Variants in ABRA observed in about 807,000 individuals in gnomAD.
ABRA encodes actin binding Rho activating protein.
ABRA carries 25 observed loss-of-function variants against 33.4 expected under a neutral mutation model. The observed-to-expected ratio is 0.75, with a 90% CI of 0.55 to 1.04. The LOEUF is 1.04. ABRA is among the 50% of genes least tolerant of loss of function. The probability of loss-of-function intolerance (pLI) is 0.00; values close to 1 mark genes in which losing one functional copy is unlikely to be tolerated. For missense variants in ABRA, 501 were observed against 491.7 expected (o/e 1.02, Z -0.18); for synonymous variants, 193 against 176.8 (o/e 1.09, Z -0.73).
At chr8:106,761,583 A>C in intron 1 of ABRA, 69 bp from the exon 2 acceptor site, 1 of 1,266,496 alleles carries the variant, frequency 7.9e-7, no homozygotes, top group Non-Finnish European at 1.1e-6. Flanking sequence ...TTCCCTTTGT[A>C]CTTCCCACAC....
chr8:106,764,810 A>C (rs1836191233), intron 1 of ABRA, among the ~76,000 whole-genome samples: 1 of 152,202 alleles, frequency 6.6e-6, no homozygotes, highest in African/African-American at 2.4e-5. Context: ...AGAATTAGAA[A>C]ATAGGGCTAG....
At chr8:106,768,695 A>G (rs999382409) in intron 1 of ABRA, among the ~76,000 whole-genome samples, 2 of 152,158 alleles carry the variant, frequency 1.3e-5, no homozygotes, top group Non-Finnish European at 2.9e-5. Context: ...GTACAGTGGC[A>G]TGATCTTGGC....
At position 106,760,963 on chromosome 8, in the gene ABRA, A is replaced by G. The variant is rs1200242098; in HGVS notation, c.*74T>C. On this transcript the variant is annotated 3_prime_UTR_variant, in exon 2 of 2. Transcript: ENST00000311955. ...TACTAACTTATTACAGAGAGTTTGC[A>G]TTTTCATTTTACCTACATGAGCATT... 4 of 1,317,936 alleles carry G rather than the reference A, an allele frequency of 3.0e-6. No individual in the cohort carries two copies. The highest frequency in any genetic ancestry group is 3.2e-6 in the Non-Finnish European group (3 of 944,372). The allele number at this position is 1,317,936 out of a possible 1,614,324, so 81.6% of individuals were successfully genotyped here.
At position 106,760,765 on chromosome 8, in the gene ABRA, C is replaced by G; in HGVS notation, c.*272G>C. On this transcript the variant is annotated 3_prime_UTR_variant, in exon 2 of 2. Coordinates refer to ENST00000311955, the MANE Select transcript of ABRA (RefSeq NM_139166.5). ...TTGGTGACATAAAGAGAATCTGTCT[C>G]AAAACAAAAACAAAAACACCCTGTG... The G allele has an allele frequency of 2.6e-6, 1 of 385,966 alleles. No individual in the cohort carries two copies. The highest frequency in any genetic ancestry group is 3.7e-5 in the South Asian group (1 of 26,848). The allele number at this position is 385,966 out of a possible 1,614,324, so 23.9% of individuals were successfully genotyped here. A position where few individuals can be genotyped will look rare whatever the true frequency, so the allele number is the denominator to read the frequency against.
At chr8:106,762,668 CA>C (rs1295862087) in intron 1 of ABRA, among the ~76,000 whole-genome samples, 1 of 151,912 alleles carries the variant, frequency 6.6e-6, no homozygotes, top group African/African-American at 2.4e-5. Context: ...TGTTGGGGGT[CA>C]GGGGGAGGGA....
chr8:106,767,285 A>G lies in ABRA; in HGVS notation c.668+2238T>C, dbSNP rs150459900. ...AGCTGTCACCTCCTTACTTCTAGTT[A>G]ATTTAAAATGTGCTGAGAGAAAGAT... On this transcript the variant is annotated intron_variant, in intron 1 of 1. Transcript: ENST00000311955. Among the ~76,000 whole-genome samples the G allele has an allele frequency of 1.5e-3, 223 of 152,334 alleles. 1 individual carries two copies. Among genetic ancestry groups the G allele is most frequent in the Admixed American group, 3.7e-3 (57 of 15,308 alleles).
chr8:106,768,011 C>G (rs1353467990), intron 1 of ABRA, among the ~76,000 whole-genome samples: 1 of 151,252 alleles, frequency 6.6e-6, no homozygotes, highest in East Asian at 1.9e-4. Flanking sequence ...AGGAGAATCA[C>G]TTGAACTCAG....
chr8:106,762,523 C>G (rs911005004), intron 1 of ABRA, among the ~76,000 whole-genome samples: 12 of 152,058 alleles, frequency 7.9e-5, no homozygotes, highest in African/African-American at 2.7e-4. Context: ...CGTGAGGATG[C>G]CAGCCTAATA....
intron 1 of ABRA, among the ~76,000 whole-genome samples, chr8:106,766,440 T>C (rs1168881493): frequency 6.6e-6 from 1 of 152,108 alleles, no homozygotes; most frequent in African/African-American, 2.4e-5. Context: ...AGGGTGCCTA[T>C]AATTAAAAAT....
Position 106,769,546 on chromosome 8 carries a change from C to T in ABRA, c.645G>A (p.Arg215=). ...EQDGVQVAVV[R]IKRPLPSQVN... is the part of the protein sequence containing the mutation. ...ACTGGGAGGGCAAGGGGCGCTTGATCCTGACCACAGCCACCTGCACTCCAT... is the reference window on the plus strand; with the variant it reads ...ACTGGGAGGGCAAGGGGCGCTTGATTCTGACCACAGCCACCTGCACTCCAT... The change falls in exon 1 of 2, where the codon AGG becomes AGA. Residue 215 remains arginine (R), a synonymous_variant. Coordinates refer to ENST00000311955, the MANE Select transcript of ABRA (RefSeq NM_139166.5). 6.2e-7 allele frequency: 1 copy of T among 1,613,820 alleles called. No individual in the cohort carries two copies. Among genetic ancestry groups the T allele is most frequent in the Non-Finnish European group, 8.5e-7 (1 of 1,179,870 alleles).
intron 1 of ABRA, among the ~76,000 whole-genome samples, chr8:106,764,521 G>C (rs562445895): frequency 2.0e-5 from 3 of 152,242 alleles, no homozygotes; most frequent in South Asian, 2.1e-4. Flanking sequence ...GCATAGTGGC[G>C]CATGCCTATG....
intron 1 of ABRA, among the ~76,000 whole-genome samples, chr8:106,762,238 AG>A (rs1836149360): frequency 6.6e-6 from 1 of 152,196 alleles, no homozygotes; most frequent in Non-Finnish European, 1.5e-5. Flanking sequence ...AAAACTGTTA[AG>A]TGGTAGAACT....
intron 1 of ABRA, among the ~76,000 whole-genome samples, chr8:106,763,050 T>G (rs897817196): frequency 1.3e-5 from 2 of 152,210 alleles, no homozygotes; most frequent in Non-Finnish European, 2.9e-5. Context: ...GTGAATGGCA[T>G]GCCTGAGCTA....
chr8:106,765,277 C>G (rs1836199650), intron 1 of ABRA, among the ~76,000 whole-genome samples: 1 of 152,144 alleles, frequency 6.6e-6, no homozygotes, highest in Admixed American at 6.5e-5. Flanking sequence ...ACTGAAAACA[C>G]TGGCACTGAA....
In ABRA at chr8:106,770,171, T is replaced by G; in HGVS notation, c.20A>C (p.Glu7Ala). ...GCTCTTGGCTGGGCCCTCCCCGCTTTCCTTTTCGCCCGGAGCCATGCTGCC... is the reference window on the plus strand; with the variant it reads ...GCTCTTGGCTGGGCCCTCCCCGCTTGCCTTTTCGCCCGGAGCCATGCTGCC... MAPGEK[E>A]SGEGPAKSAL... Residue 7 changes from glutamate to alanine, a missense_variant, in exon 1 of 2, where the codon GAA (glutamate) becomes GCA (alanine). Glu to Ala is a moderately radical substitution (Grantham distance 107, BLOSUM62 -1). Coordinates refer to ENST00000311955, the MANE Select transcript of ABRA (RefSeq NM_139166.5). 1.2e-6 allele frequency: 2 copies of G among 1,609,062 alleles called. No homozygotes were observed. The highest frequency in any genetic ancestry group is 1.3e-5 in the African/African-American group (1 of 75,008).
At position 106,760,961 on chromosome 8, in the gene ABRA, G is replaced by A; in HGVS notation, c.*76C>T. 7.9e-7 allele frequency: 1 copy of A among 1,267,922 alleles called. No homozygotes were observed. The highest frequency in any genetic ancestry group is 1.1e-6 in the Non-Finnish European group (1 of 899,106). 78.5% of individuals were successfully genotyped at this position (1,267,922 alleles called of 1,614,324 possible). A position where few individuals can be genotyped will look rare whatever the true frequency, so the allele number is the denominator to read the frequency against. On this transcript the variant is annotated 3_prime_UTR_variant, in exon 2 of 2. Transcript: ENST00000311955. The stretch of plus-strand genomic sequence containing the variant: ...TTTACTAACTTATTACAGAGAGTTT[G>A]CATTTTCATTTTACCTACATGAGCA...
chr8:106,764,676 A>AAAC (rs1563781092), intron 1 of ABRA, among the ~76,000 whole-genome samples: 8 of 151,692 alleles, frequency 5.3e-5, no homozygotes, highest in East Asian at 3.9e-4. Context: ...AACAAACAAA[A>AAAC]AAGACTGTAA....
At position 106,769,544 on chromosome 8, in the gene ABRA, A is replaced by T. The variant is rs1810562304; in HGVS notation, c.647T>A (p.Ile216Asn). ...QDGVQVAVVR[I>N]KRPLPSQVNR... ...TTACTGGGAGGGCAAGGGGCGCTTG[A>T]TCCTGACCACAGCCACCTGCACTCC... Residue 216 changes from isoleucine to asparagine, a missense_variant, in exon 1 of 2, where the codon ATC (isoleucine) becomes AAC (asparagine). Transcript: ENST00000311955. The T allele has an allele frequency of 1.2e-6, 2 of 1,613,598 alleles. No homozygotes were observed. The highest frequency in any genetic ancestry group is 1.7e-6 in the Non-Finnish European group (2 of 1,179,834).
Position 106,761,080 on chromosome 8 carries a change from C to T in ABRA, c.1103G>A (p.Trp368Ter), listed in dbSNP as rs750063297. 8 of 1,614,176 alleles carry T rather than the reference C, an allele frequency of 5.0e-6. No homozygotes were observed. The South Asian group carries it at 7.7e-5, about 16-fold the overall frequency. ...GLVDFEGEMLWQGRDDHVVIT... is the reference protein window; with the variant it reads ...GLVDFEGEML ...CACAACATGGTCATCTCGGCCTTGC[C>T]ATAGCATCTCTCCTTCAAAGTCTAC... Residue 368 changes from tryptophan (W) to a stop codon, truncating the protein, a stop_gained, in exon 2 of 2, where the codon TGG (tryptophan) becomes TAG (stop). Transcript: ENST00000311955. LOFTEE classifies it high-confidence loss of function.
Sources: allele counts gnomAD v4.1 joint callset (sites outside exome capture counted in the v4.1 genomes callset), GRCh38; gene constraint gnomAD v4.1.1; transcripts MANE v1.5; gene names NCBI Gene and HGNC (gene_info 2026-07-23, HGNC 2026-07-21).